Variants in ECPAS observed in about 807,000 individuals in gnomAD.
ECPAS encodes proteasome adapter and scaffold protein ECM29.
In ECPAS, 70 loss-of-function variants were observed where a neutral mutation model predicts 255.1. The observed-to-expected ratio is 0.27, with a 90% confidence interval of 0.23 to 0.33. The LOEUF (loss-of-function observed/expected upper bound fraction) is 0.33, where lower values mean the gene tolerates loss of function less well. ECPAS is among the 10% of genes least tolerant of loss of function. ECPAS has a pLI of 1.00. For synonymous variants in ECPAS, 784 were observed against 775.0 expected (o/e 1.01, Z -0.19); for missense variants, 1,817 against 2,206.4 (o/e 0.82, Z 3.54).
intron 12 of ECPAS, among the ~76,000 whole-genome samples, chr9:111,423,610 A>G (rs1164901416): frequency 6.6e-6 from 1 of 152,226 alleles, no homozygotes; most frequent in African/African-American, 2.4e-5. Context: ...CAACACACTA[A>G]AAAACATTAA....
intron 1 of ECPAS, among the ~76,000 whole-genome samples, chr9:111,475,750 A>AC (rs2098295419): frequency 6.6e-6 from 1 of 151,854 alleles, no homozygotes; most frequent in Non-Finnish European, 1.5e-5. Flanking sequence ...AAAAAAAAAA[A>AC]CCCAGAATGC....
At chr9:111,468,082 A>G (rs10980905) in intron 2 of ECPAS, among the ~76,000 whole-genome samples, 12,772 of 152,126 alleles carry the variant, frequency 0.084, 631 homozygotes, top group East Asian at 0.21. Context: ...CCCAGGAGGC[A>G]GAGGTTGCAG....
At chr9:111,436,890 G>A (rs1316480939) in intron 7 of ECPAS, 50 bp downstream of exon 7, 28 of 1,463,552 alleles carry the variant, frequency 1.9e-5, no homozygotes, top group Non-Finnish European at 2.6e-5. Flanking sequence ...AACTTCATAG[G>A]GGAAAGTGTC....
At chr9:111,451,351 A>G in intron 3 of ECPAS, 74 bp downstream of exon 3, 2 of 1,415,696 alleles carry the variant, frequency 1.4e-6, no homozygotes, top group South Asian at 2.6e-5. Context: ...CAATAATGGG[A>G]ACAGAAAACT....
intron 8 of ECPAS, 34 bp from the exon 9 acceptor site, chr9:111,430,662 AT>A (rs1236088911): frequency 3.5e-6 from 5 of 1,419,306 alleles, no homozygotes; most frequent in East Asian, 2.4e-5. Flanking sequence ...TGTTAAAATT[AT>A]TTTTCCCCCT....
chr9:111,459,329 G>A (rs1442092629), intron 2 of ECPAS, among the ~76,000 whole-genome samples: 3 of 151,666 alleles, frequency 2.0e-5, no homozygotes, highest in Non-Finnish European at 4.4e-5. Context: ...GGCCTCAAGC[G>A]ATCCTCCTGC....
intron 48 of ECPAS, among the ~76,000 whole-genome samples, chr9:111,365,357 G>A (rs538489796): frequency 3.3e-5 from 5 of 151,670 alleles, no homozygotes; most frequent in African/African-American, 7.3e-5. Context: ...GAGGGGAGGG[G>A]GAAAAAATCC....
chr9:111,424,576 A>AAAC (rs3031128), intron 12 of ECPAS, among the ~76,000 whole-genome samples: 3 of 152,190 alleles, frequency 2.0e-5, no homozygotes, highest in Admixed American at 6.5e-5. Flanking sequence ...CAGCAGGGAA[A>AAAC]GGGATTCAAA....
At chr9:111,480,717 G>GTATCAAC (rs1362762517) in intron 1 of ECPAS, among the ~76,000 whole-genome samples, 1 of 152,118 alleles carries the variant, frequency 6.6e-6, no homozygotes, top group Non-Finnish European at 1.5e-5. Flanking sequence ...TTATTCTAAG[G>GTATCAAC]TATCAACTGC....
In ECPAS at chr9:111,376,640, T is replaced by C. The variant is rs1379903696; in HGVS notation, c.3955-99A>G. ...ACTTTCACTTCCAAGCTAAAGAACT[T>C]TAAAAAAAAATAATCCGTAGCTATA... On this transcript the variant is annotated intron_variant, in intron 36 of 49. Coordinates refer to ENST00000684092, the MANE Select transcript of ECPAS (RefSeq NM_001364929.1). The C allele has an allele frequency of 4.5e-6, 4 of 884,092 alleles. No homozygotes were observed. The Admixed American group carries it at 9.2e-5, about 20-fold the overall frequency. 54.8% of individuals were successfully genotyped at this position (884,092 alleles called of 1,614,324 possible).
chr9:111,445,069 C>T (rs1210832982), intron 3 of ECPAS, among the ~76,000 whole-genome samples: 1 of 145,950 alleles, frequency 6.9e-6, no homozygotes, highest in African/African-American at 2.6e-5. Flanking sequence ...GATCTCAGCT[C>T]ACCGCAACTT....
chr9:111,378,403 T>C (rs1431118654), intron 36 of ECPAS, among the ~76,000 whole-genome samples, 177 bp downstream of exon 36: 1 of 152,122 alleles, frequency 6.6e-6, no homozygotes, highest in Non-Finnish European at 1.5e-5. Flanking sequence ...TTCATCCAAT[T>C]CACAAGACAG....
At chr9:111,466,612 TAAATAC>T (rs2098279886) in intron 2 of ECPAS, among the ~76,000 whole-genome samples, 12 of 121,284 alleles carry the variant, frequency 9.9e-5, no homozygotes, top group Non-Finnish European at 1.6e-4. Context: ...TATAAATAAC[TAAATAC>T]ACACACACAC....
intron 25 of ECPAS, among the ~76,000 whole-genome samples, chr9:111,395,336 C>G (rs956870070): frequency 6.6e-6 from 1 of 151,442 alleles, no homozygotes; most frequent in East Asian, 1.9e-4. Flanking sequence ...AAATGCTGTT[C>G]ATTCTACTCA....
intron 9 of ECPAS, among the ~76,000 whole-genome samples, chr9:111,428,684 T>G (rs965602233): frequency 6.6e-6 from 1 of 152,214 alleles, no homozygotes; most frequent in African/African-American, 2.4e-5. Flanking sequence ...GGACATTCTT[T>G]TTTCATACTA....
At position 111,361,859 on chromosome 9, in the gene ECPAS, G is replaced by T; in HGVS notation, c.*171C>A. The T allele has an allele frequency of 1.4e-6, 1 of 722,590 alleles. No individual in the cohort carries two copies. The highest frequency in any genetic ancestry group is 2.1e-6 in the Non-Finnish European group (1 of 471,038). 44.8% of individuals were successfully genotyped at this position (722,590 alleles called of 1,614,324 possible). A position where few individuals can be genotyped will look rare whatever the true frequency, so the allele number is the denominator to read the frequency against. ...AGCCCAGATACTTTAAAAACATAAA[G>T]TAAAATAAAGCTAATAAGGAACAAA... On this transcript the variant is annotated 3_prime_UTR_variant, in exon 50 of 50. Coordinates refer to ENST00000684092, the MANE Select transcript of ECPAS (RefSeq NM_001364929.1).
At chr9:111,456,888 G>A (rs749845456) in intron 2 of ECPAS, among the ~76,000 whole-genome samples, 52 of 152,162 alleles carry the variant, frequency 3.4e-4, no homozygotes, top group Non-Finnish European at 1.0e-4. Flanking sequence ...ACAAGTATAT[G>A]ATAACTGCAT....
intron 48 of ECPAS, among the ~76,000 whole-genome samples, chr9:111,364,830 A>G (rs2098118314): frequency 6.6e-6 from 1 of 152,250 alleles, no homozygotes; most frequent in Admixed American, 6.5e-5. Context: ...ATGTATCCCA[A>G]CTGGGAATTC....
At chr9:111,431,358 G>C (rs2098229686) in intron 8 of ECPAS, among the ~76,000 whole-genome samples, 1 of 152,136 alleles carries the variant, frequency 6.6e-6, no homozygotes, top group Non-Finnish European at 1.5e-5. Context: ...AGGAGTTCAA[G>C]GCCAGCCTGG....
Sources: gnomAD v4.1 joint callset for allele counts (sites outside exome capture counted in the v4.1 genomes callset) on GRCh38, gnomAD v4.1.1 for gene constraint, MANE v1.5 for transcripts, NCBI Gene and HGNC (gene_info 2026-07-23, HGNC 2026-07-21) for gene names.